The following RIGI variants were observed in gnomAD, a reference collection of about 807,000 sequenced individuals.
RIGI encodes antiviral innate immune response receptor RIG-I.
At chr9:32,459,035 C>A in the RIGI span, among the ~76,000 whole-genome samples, 5 of 152,042 alleles carry the variant, frequency 3.3e-5, no homozygotes, top group South Asian at 6.2e-4. Flanking sequence ...ATTACAGCCA[C>A]CTGCCACTAC....
chr9:32,489,323 A>T, the RIGI span: 1 of 1,533,458 alleles, frequency 6.5e-7, no homozygotes. Context: ...AAAACTATGT[A>T]AGTAATGGCA....
the RIGI span, chr9:32,456,799 C>A: frequency 1.0e-5 from 2 of 200,972 alleles, no homozygotes; most frequent in Non-Finnish European, 2.0e-5. Flanking sequence ...ATAAAAATTC[C>A]CAACATTCCA....
chr9:32,457,191 T>C, the RIGI span: 125,335 of 1,612,948 alleles, frequency 0.078, 5,685 homozygotes, highest in Admixed American at 0.16. Flanking sequence ...TCGAGTACAG[T>C]GTCTGAACTC....
the RIGI span, among the ~76,000 whole-genome samples, chr9:32,511,478 G>C: frequency 6.6e-6 from 1 of 152,140 alleles, no homozygotes; most frequent in Non-Finnish European, 1.5e-5. Flanking sequence ...GCTCCTGAAT[G>C]ACTACAGGGT....
the RIGI span, among the ~76,000 whole-genome samples, chr9:32,478,815 C>T: frequency 6.6e-6 from 1 of 152,168 alleles, no homozygotes; most frequent in African/African-American, 2.4e-5. Context: ...CCACCTCAGC[C>T]TCCCAAAGTG....
chr9:32,524,728 G>A, the RIGI span, among the ~76,000 whole-genome samples: 1 of 145,870 alleles, frequency 6.9e-6, no homozygotes, highest in Admixed American at 7.2e-5. Context: ...TCAGCCTCCT[G>A]AGTAGCTGGG....
At chr9:32,525,188 G>A in the RIGI span, among the ~76,000 whole-genome samples, 2 of 152,274 alleles carry the variant, frequency 1.3e-5, no homozygotes, top group African/African-American at 2.4e-5. Context: ...CAGGGCCCTT[G>A]TCCACTAGAG....
the RIGI span, among the ~76,000 whole-genome samples, chr9:32,504,707 C>CATTTAATATATATAAAATATATAAAATAT: frequency 1.4e-4 from 20 of 140,880 alleles, no homozygotes; most frequent in Non-Finnish European, 2.9e-4. Flanking sequence ...ATATATTATA[C>CATTTAATATATATAAAATATATAAAATAT]ATTTAATATA....
the RIGI span, among the ~76,000 whole-genome samples, chr9:32,522,515 G>A: frequency 1.1e-4 from 16 of 152,152 alleles, no homozygotes; most frequent in African/African-American, 3.9e-4. Flanking sequence ...AGCCAATTAG[G>A]AGAGCCCATA....
At chr9:32,501,310 T>A in the RIGI span, among the ~76,000 whole-genome samples, 1 of 132,058 alleles carries the variant, frequency 7.6e-6, no homozygotes, top group Non-Finnish European at 1.5e-5. Flanking sequence ...TGTGAGCCAC[T>A]GCACCCAGCC....
At chr9:32,485,101 C>G in the RIGI span, 2 of 1,131,036 alleles carry the variant, frequency 1.8e-6, no homozygotes, top group Non-Finnish European at 2.6e-6. Flanking sequence ...CTAAGGAGAA[C>G]ACAAAAAGAC....
the RIGI span, chr9:32,459,593 C>T: frequency 7.5e-7 from 1 of 1,329,828 alleles, no homozygotes. Context: ...ACGTACAATA[C>T]ATATACATGC....
the RIGI span, among the ~76,000 whole-genome samples, chr9:32,486,387 A>C: frequency 7.1e-6 from 1 of 140,840 alleles, no homozygotes; most frequent in Non-Finnish European, 1.5e-5. Flanking sequence ...CAGGAGGTGG[A>C]GGTTTGCAGT....
chr9:32,466,245 GAT>G, the RIGI span: 1 of 1,597,810 alleles, frequency 6.3e-7, no homozygotes, highest in South Asian at 1.1e-5. Flanking sequence ...CACATTCCCT[GAT>G]AGTTATTTAT....
chr9:32,486,303 A>C, the RIGI span, among the ~76,000 whole-genome samples: 8 of 151,952 alleles, frequency 5.3e-5, no homozygotes, highest in African/African-American at 1.9e-4. Context: ...AATACAAAAA[A>C]TTAGCCAGGC....
the RIGI span, among the ~76,000 whole-genome samples, chr9:32,518,712 T>C: frequency 6.6e-5 from 10 of 152,216 alleles, no homozygotes. Flanking sequence ...TGAAGCCAGA[T>C]AAAAGCCAGA....
chr9:32,489,344 C>T, the RIGI span: 5 of 1,603,866 alleles, frequency 3.1e-6, no homozygotes, highest in East Asian at 1.1e-4. Flanking sequence ...ATAGGCTTAC[C>T]TGTAGGAGCA....
chr9:32,455,626 G>C, the RIGI span: 2 of 151,062 alleles, frequency 1.3e-5, no homozygotes, highest in Non-Finnish European at 2.9e-5. Flanking sequence ...ATATCAAATA[G>C]CAATTAAAAA....
At chr9:32,487,895 G>A in the RIGI span, 1 of 1,592,500 alleles carries the variant, frequency 6.3e-7, no homozygotes, top group Non-Finnish European at 8.6e-7. Flanking sequence ...GAAAATAGGA[G>A]TTAGGAAGAT....
Sources: gnomAD v4.1 joint callset for allele counts (sites outside exome capture counted in the v4.1 genomes callset) on GRCh38, gnomAD v4.1.1 for gene constraint, MANE v1.5 for transcripts, NCBI Gene and HGNC (gene_info 2026-07-23, HGNC 2026-07-21) for gene names.